Variants in ERGIC1 observed in about 807,000 individuals in gnomAD.
ERGIC1 encodes the protein endoplasmic reticulum-Golgi intermediate compartment protein 1.
ERGIC1 carries 19 observed loss-of-function variants against 38.3 expected under a neutral mutation model. That is an observed-to-expected ratio of 0.50 (90% CI 0.35 to 0.73). The LOEUF (loss-of-function observed/expected upper bound fraction) is 0.73, where lower values mean the gene tolerates loss of function less well. Ranked by LOEUF, ERGIC1 falls within the 30% of genes least tolerant of loss-of-function variation. The probability of loss-of-function intolerance (pLI) is 0.01; values close to 1 mark genes in which losing one functional copy is unlikely to be tolerated. For synonymous variants in ERGIC1, 124 were observed against 157.6 expected (o/e 0.79, Z 1.60); for missense variants, 294 against 389.2 (o/e 0.76, Z 2.06).
chr5:172,844,574 A>G (rs1761239590), intron 1 of ERGIC1, among the ~76,000 whole-genome samples: 1 of 152,192 alleles, frequency 6.6e-6, no homozygotes, highest in Non-Finnish European at 1.5e-5. Context: ...CCTGGTGGGC[A>G]TGGACTTGAG....
At chr5:172,865,587 A>T (rs1047200786) in intron 1 of ERGIC1, among the ~76,000 whole-genome samples, 2 of 152,108 alleles carry the variant, frequency 1.3e-5, no homozygotes, top group African/African-American at 4.8e-5. Flanking sequence ...CACTTTCAGT[A>T]CCCCAGAAAG....
intron 9 of ERGIC1, among the ~76,000 whole-genome samples, chr5:172,949,288 C>T (rs1764183938): frequency 6.6e-6 from 1 of 152,162 alleles, no homozygotes; most frequent in Non-Finnish European, 1.5e-5. Flanking sequence ...AGCACAGACT[C>T]CAAAGTTTTG....
chr5:172,894,132 CTT>C (rs781661227), intron 2 of ERGIC1, among the ~76,000 whole-genome samples: 19 of 10,486 alleles, frequency 1.8e-3, no homozygotes, highest in African/African-American at 5.0e-3. Flanking sequence ...GCTGATGATA[CTT>C]TTTTTTTTTT....
rs1202249839 is a variant in ERGIC1 at position 172,909,638 on chromosome 5, A to G, written c.156-29A>G. On this transcript the variant is annotated intron_variant, in intron 3 of 9. Transcript: ENST00000393784. ...CTGAGATCTTTGCCGCCATCTCAAC[A>G]AAGGTTCCTATACTTGTCTTTCCCC... 3 of 1,607,656 alleles carry G rather than the reference A, an allele frequency of 1.9e-6. No homozygotes were observed. The African/African-American group carries it at 4.0e-5, about 21-fold the overall frequency.
Position 172,844,553 on chromosome 5 carries a change from G to A in ERGIC1, c.20+10120G>A, listed in dbSNP as rs889851692. ...TCGGGGTGGGCAGGACCTTGGGCTCGTGGGAGGTGGCCTGGTGGGCATGGA... is the reference window on the plus strand; with the variant it reads ...TCGGGGTGGGCAGGACCTTGGGCTCATGGGAGGTGGCCTGGTGGGCATGGA... On this transcript the variant is annotated intron_variant, in intron 1 of 9. Coordinates refer to ENST00000393784, the MANE Select transcript of ERGIC1 (RefSeq NM_001031711.3). Among the ~76,000 whole-genome samples the A allele has an allele frequency of 3.9e-5, 6 of 152,232 alleles. No individual in the cohort carries two copies. The South Asian group carries it at 6.2e-4, about 16-fold the overall frequency.
At chr5:172,943,395 AC>A (rs1764053325) in intron 9 of ERGIC1, among the ~76,000 whole-genome samples, 1 of 119,228 alleles carries the variant, frequency 8.4e-6, no homozygotes, top group African/African-American at 3.3e-5. Flanking sequence ...CCCCGACTAC[AC>A]CCCCCACCTC....
At chr5:172,885,386 AG>A (rs1233890061) in intron 1 of ERGIC1, among the ~76,000 whole-genome samples, 1 of 151,896 alleles carries the variant, frequency 6.6e-6, no homozygotes, top group East Asian at 1.9e-4. Flanking sequence ...CTCCCACCTC[AG>A]CCTCCCAAAG....
At position 172,946,772 on chromosome 5, in the gene ERGIC1, C is replaced by T. The variant is rs145872100; in HGVS notation, c.766-3937C>T. ...ACTCTACGTCACCTCATGCCAGTCA[C>T]CTCCTACTGACTGCCAGTGTGTCAG... On this transcript the variant is annotated intron_variant, in intron 9 of 9. Transcript: ENST00000393784. Among the ~76,000 whole-genome samples, 73 of 152,316 alleles carry T rather than the reference C, an allele frequency of 4.8e-4. No individual in the cohort carries two copies. In the East Asian group the frequency reaches 0.012, roughly 26 times the overall value.
intron 1 of ERGIC1, among the ~76,000 whole-genome samples, chr5:172,845,279 C>T (rs1055917132): frequency 1.3e-5 from 2 of 152,178 alleles, no homozygotes; most frequent in Non-Finnish European, 2.9e-5. Flanking sequence ...TTGGGGGGCC[C>T]TGGTTGCTGG....
intron 4 of ERGIC1, among the ~76,000 whole-genome samples, chr5:172,912,447 G>A (rs1763229807): frequency 6.6e-6 from 1 of 152,214 alleles, no homozygotes; most frequent in Admixed American, 6.5e-5. Flanking sequence ...GAGTGCGATG[G>A]CGCGATCTTA....
rs183032274 is a variant in ERGIC1, at chr5:172,927,725, G to A, written c.541+1156G>A. Among the ~76,000 whole-genome samples the A allele has an allele frequency of 3.5e-3, 537 of 152,048 alleles. 6 individuals are homozygous for A. Among genetic ancestry groups the A allele is most frequent in the African/African-American group, 0.012 (513 of 41,446 alleles). ...CTCCCGAGCAGCTGGGATTACAGGT[G>A]CCTGCCACAATGCCCAGCTAATTTT... is the stretch of plus-strand genomic sequence containing the variant. On this transcript the variant is annotated intron_variant, in intron 7 of 9. Transcript: ENST00000393784.
rs141856096 is a variant in ERGIC1 at position 172,926,846 on chromosome 5, A to C, written c.541+277A>C. 1 of 467,426 alleles carries C rather than the reference A, an allele frequency of 2.1e-6. No homozygotes were observed. The highest frequency in any genetic ancestry group is 3.9e-6 in the Non-Finnish European group (1 of 254,778). The allele number at this position is 467,426 out of a possible 1,614,324, so 29.0% of individuals were successfully genotyped here. A position where few individuals can be genotyped will look rare whatever the true frequency, so the allele number is the denominator to read the frequency against. Reference sequence around the variant, plus strand: ...TATTACCATTATTGTTGCTCTCATCACAGCCACATCATCATCCTTAGTTGA... The same window carrying C: ...TATTACCATTATTGTTGCTCTCATCCCAGCCACATCATCATCCTTAGTTGA... On this transcript the variant is annotated intron_variant, in intron 7 of 9. Coordinates refer to ENST00000393784, the MANE Select transcript of ERGIC1 (RefSeq NM_001031711.3). This position sits in a 1 kb window ranked among gnomAD's most constrained non-coding sequence, Gnocchi z 5.2.
chr5:172,925,229 C>G (rs1763623765), intron 6 of ERGIC1, among the ~76,000 whole-genome samples: 1 of 151,734 alleles, frequency 6.6e-6, no homozygotes, highest in Admixed American at 6.6e-5. Flanking sequence ...AAGAGTAAGA[C>G]TCCTCCCAAA....
chr5:172,886,069 C>T (rs367834349), intron 1 of ERGIC1, among the ~76,000 whole-genome samples: 62 of 152,152 alleles, frequency 4.1e-4, no homozygotes, highest in African/African-American at 1.4e-3. Flanking sequence ...CTCTCCCCAC[C>T]CCTACCTCCC....
At chr5:172,928,547 C>G (rs1263403977) in intron 7 of ERGIC1, among the ~76,000 whole-genome samples, 3 of 152,222 alleles carry the variant, frequency 2.0e-5, no homozygotes, top group Non-Finnish European at 4.4e-5. Context: ...ATAGACCACT[C>G]TCTGAAATCA....
chr5:172,876,560 T>C (rs753684677), intron 1 of ERGIC1, among the ~76,000 whole-genome samples: 62 of 152,220 alleles, frequency 4.1e-4, no homozygotes, highest in Admixed American at 2.9e-3. Flanking sequence ...ACGGCTGTTA[T>C]TAAAATGTTT....
intron 1 of ERGIC1, among the ~76,000 whole-genome samples, chr5:172,857,967 G>T (rs1761597356): frequency 6.6e-6 from 1 of 152,150 alleles, no homozygotes; most frequent in African/African-American, 2.4e-5. Context: ...GTGAACGGCA[G>T]GGATATAGCC....
chr5:172,914,539 C>T (rs371745018), intron 4 of ERGIC1, 175 bp from the exon 5 acceptor site: 40 of 1,035,894 alleles, frequency 3.9e-5, no homozygotes, highest in South Asian at 1.2e-4. Flanking sequence ...TCACGTTTAG[C>T]GGAGTCATTG....
rs1225472816 is a variant in ERGIC1, at chr5:172,951,884, CG to C, written c.*1071del. 2 of 152,340 alleles carry C rather than the reference CG, an allele frequency of 1.3e-5. No homozygotes were observed. Among genetic ancestry groups the C allele is most frequent in the Non-Finnish European group, 2.9e-5 (2 of 68,128 alleles). The allele number at this position is 152,340 out of a possible 1,614,324, so 9.4% of individuals were successfully genotyped here. A position where few individuals can be genotyped will look rare whatever the true frequency, so the allele number is the denominator to read the frequency against. On this transcript the variant is annotated 3_prime_UTR_variant, in exon 10 of 10. Transcript: ENST00000393784. ...GGACCTCTACCTTCTGGACTCCCTA[CG>C]GGTGCAGAGCACTTGGGTTTCTCTA...
Sources: allele counts gnomAD v4.1 joint callset (sites outside exome capture counted in the v4.1 genomes callset), GRCh38; gene constraint gnomAD v4.1.1; non-coding constraint Gnocchi (gnomAD v3.1); transcripts MANE v1.5; gene names NCBI Gene and HGNC (gene_info 2026-07-23, HGNC 2026-07-21).